NRCAM: variants seen among roughly 807,000 people sequenced by gnomAD.
NRCAM encodes neuronal cell adhesion molecule, also known as NgCAM-related cell adhesion molecule.
A neutral mutation model predicts 156.5 loss-of-function variants in NRCAM; 83 were observed. The ratio of observed to expected loss-of-function variants is 0.53; its 90% CI spans 0.44 to 0.64. The LOEUF (loss-of-function observed/expected upper bound fraction) is 0.64. Among genes scored for constraint, NRCAM ranks in the 30% least tolerant of loss-of-function variants. NRCAM has a pLI of 0.00. For missense variants in NRCAM, 1,417 were observed against 1,597.3 expected (o/e 0.89, Z 1.92); for synonymous variants, 538 against 563.9 (o/e 0.95, Z 0.65).
intron 32 of NRCAM, among the ~76,000 whole-genome samples, chr7:108,154,067 T>G (rs1358926155): frequency 6.6e-6 from 1 of 152,182 alleles, no homozygotes. Flanking sequence ...GGCAGGCTGA[T>G]TCTATGATGT....
intron 1 of NRCAM, among the ~76,000 whole-genome samples, chr7:108,405,593 C>A (rs1380165704): frequency 6.6e-6 from 1 of 152,090 alleles, no homozygotes; most frequent in Non-Finnish European, 1.5e-5. Context: ...TCTTTCTGAC[C>A]CTGTTGTGGC....
At chr7:108,436,055 G>C (rs1357665383) in intron 1 of NRCAM, among the ~76,000 whole-genome samples, 1 of 152,164 alleles carries the variant, frequency 6.6e-6, no homozygotes, top group Non-Finnish European at 1.5e-5. Flanking sequence ...AATGGCGTGA[G>C]CCCGGGAGGC....
chr7:108,370,884 TTAA>T (rs10563073), intron 2 of NRCAM, among the ~76,000 whole-genome samples: 49,862 of 151,798 alleles, frequency 0.33, 8,765 homozygotes, highest in Middle Eastern at 0.5. Flanking sequence ...TGCCGTCATA[TTAA>T]TAATATTTCT....
In NRCAM at chr7:108,177,973, T is replaced by C; in HGVS notation, c.2974+17A>G. ...TAAAAAAACATATTTCCCCTTCTCT[T>C]CCTCCCAACAGCTTACTTGGCTGAT... On this transcript the variant is annotated intron_variant, in intron 26 of 32. Coordinates refer to ENST00000379028, the MANE Select transcript of NRCAM (RefSeq NM_001037132.4). 1 of 1,575,682 alleles carries C rather than the reference T, an allele frequency of 6.3e-7. No individual in the cohort carries two copies. The highest frequency in any genetic ancestry group is 8.6e-7 in the Non-Finnish European group (1 of 1,164,306).
intron 3 of NRCAM, among the ~76,000 whole-genome samples, chr7:108,284,753 G>A (rs111379994): frequency 0.02 from 3,073 of 152,218 alleles, 118 homozygotes; most frequent in African/African-American, 0.069. Context: ...ATTTTCACTC[G>A]CATAGACATA....
chr7:108,258,991 A>C lies in NRCAM; in HGVS notation c.-106-18821T>G, dbSNP rs10275960. On this transcript the variant is annotated intron_variant, in intron 3 of 32. Transcript: ENST00000379028. ...ACTTACATTCAAATTAAGATTAATG[A>C]ATATTAAAAATCCAGTTCCTCAGTC... 6.2e-3 allele frequency among the ~76,000 whole-genome samples: 950 copies of C among 152,332 alleles called. 10 individuals are homozygous for C. Among genetic ancestry groups the C allele is most frequent in the African/African-American group, 0.022 (900 of 41,556 alleles).
At chr7:108,330,518 G>A (rs1399338753) in intron 2 of NRCAM, among the ~76,000 whole-genome samples, 3 of 152,124 alleles carry the variant, frequency 2.0e-5, no homozygotes, top group East Asian at 1.9e-4. Flanking sequence ...CACTGTGCCC[G>A]TTACTTTGCG....
At chr7:108,358,244 C>CAG (rs76170724) in intron 2 of NRCAM, among the ~76,000 whole-genome samples, 1 of 71,794 alleles carries the variant, frequency 1.4e-5, no homozygotes, top group African/African-American at 6.0e-5. Flanking sequence ...CCCCTCTCTA[C>CAG]AAAAAAAAAA....
At chr7:108,250,021 A>G (rs1161246946) in intron 3 of NRCAM, among the ~76,000 whole-genome samples, 2 of 152,230 alleles carry the variant, frequency 1.3e-5, no homozygotes, top group Admixed American at 1.3e-4. Context: ...TTGTTGCAAC[A>G]ATATTCACAA....
intron 3 of NRCAM, among the ~76,000 whole-genome samples, chr7:108,256,095 C>G (rs1468563881): frequency 6.6e-6 from 1 of 152,228 alleles, no homozygotes; most frequent in African/African-American, 2.4e-5. Context: ...AGGAGCCCCT[C>G]TGCCCGGCCG....
intron 13 of NRCAM, 58 bp downstream of exon 13, chr7:108,207,470 C>G: frequency 6.5e-7 from 1 of 1,544,422 alleles, no homozygotes; most frequent in Non-Finnish European, 8.8e-7. Context: ...TATTCACTGT[C>G]GGGATGTATA....
rs2064271282 is a variant in NRCAM, at chr7:108,182,879, G to A, written c.2346C>T (p.Tyr782=). ...CATCTTTCTGGCGCCAGCTAACTTTGTACTGAAGGCCTGGCCCATTAGATT... is the reference window on the plus strand; with the variant it reads ...CATCTTTCTGGCGCCAGCTAACTTTATACTGAAGGCCTGGCCCATTAGATT... ...GFESNGPGLQ[Y]KVSWRQKDGD... The change falls in exon 23 of 33, where the codon TAC becomes TAT. Residue 782 remains tyrosine (Y), a synonymous_variant. Coordinates refer to ENST00000379028, the MANE Select transcript of NRCAM (RefSeq NM_001037132.4). 1 of 1,614,090 alleles carries A rather than the reference G, an allele frequency of 6.2e-7. No individual in the cohort carries two copies. Among genetic ancestry groups the A allele is most frequent in the African/African-American group, 1.3e-5 (1 of 74,934 alleles).
At chr7:108,364,141 T>C (rs995678796) in intron 2 of NRCAM, among the ~76,000 whole-genome samples, 8 of 152,220 alleles carry the variant, frequency 5.3e-5, no homozygotes, top group Non-Finnish European at 7.3e-5. Context: ...ATCTTTGTAA[T>C]TTTTCTATAA....
intron 1 of NRCAM, among the ~76,000 whole-genome samples, chr7:108,455,117 C>G (rs906883910): frequency 6.6e-6 from 1 of 152,140 alleles, no homozygotes; most frequent in African/African-American, 2.4e-5. Context: ...CCCCGGGGCC[C>G]GGGGAGCCCT....
Position 108,184,634 on chromosome 7 carries a change from A to G in NRCAM, c.2036-20T>C. 1.2e-6 allele frequency: 2 copies of G among 1,601,226 alleles called. No individual in the cohort carries two copies. Among genetic ancestry groups the G allele is most frequent in the East Asian group, 2.2e-5 (1 of 44,630 alleles). On this transcript the variant is annotated intron_variant, in intron 20 of 32. Coordinates refer to ENST00000379028, the MANE Select transcript of NRCAM (RefSeq NM_001037132.4). ...TGAATTCTGGTCACGACACACACAC[A>G]CCAAACCCAAGACCGTGAATTCAGT...
chr7:108,378,354 A>G (rs1483550631), intron 2 of NRCAM, among the ~76,000 whole-genome samples: 1 of 152,158 alleles, frequency 6.6e-6, no homozygotes, highest in Non-Finnish European at 1.5e-5. Context: ...AGTTAATAAG[A>G]CACAGGTAAA....
intron 3 of NRCAM, among the ~76,000 whole-genome samples, chr7:108,254,972 T>A (rs1453588748): frequency 6.6e-6 from 1 of 152,214 alleles, no homozygotes; most frequent in Non-Finnish European, 1.5e-5. Flanking sequence ...TATAGCAGCA[T>A]TATTTATAAT....
chr7:108,315,233 C>T (rs2154190338), intron 2 of NRCAM, among the ~76,000 whole-genome samples: 1 of 152,170 alleles, frequency 6.6e-6, no homozygotes, highest in South Asian at 2.1e-4. Flanking sequence ...AGAAATTTGA[C>T]TAGTAGTAAA....
intron 1 of NRCAM, among the ~76,000 whole-genome samples, chr7:108,419,545 A>C: frequency 7.3e-5 from 1 of 13,662 alleles, no homozygotes; most frequent in South Asian, 5.3e-3. Context: ...TGAGTTTGGC[A>C]GTATATATAG....
Sources: gnomAD v4.1 joint callset for allele counts (sites outside exome capture counted in the v4.1 genomes callset) on GRCh38, gnomAD v4.1.1 for gene constraint, MANE v1.5 for transcripts, NCBI Gene and HGNC (gene_info 2026-07-23, HGNC 2026-07-21) for gene names.